Variants in ZC3H3 observed in about 807,000 individuals in gnomAD.
ZC3H3 encodes zinc finger CCCH-type containing 3.
Under a neutral mutation model 77.3 loss-of-function variants are expected in ZC3H3, and 36 were observed. The ratio of observed to expected loss-of-function variants is 0.47; its 90% CI spans 0.36 to 0.61. The LOEUF is 0.61. Among genes scored for constraint, ZC3H3 ranks in the 20% least tolerant of loss-of-function variants. The pLI is 0.00. For synonymous variants in ZC3H3, 626 were observed against 555.2 expected (o/e 1.13, Z -1.79); for missense variants, 1,331 against 1,312.2 (o/e 1.01, Z -0.22).
chr8:143,541,427 G>C lies in ZC3H3; in HGVS notation c.-6C>G, dbSNP rs568094577. 1 of 1,611,676 alleles carries C rather than the reference G, an allele frequency of 6.2e-7. No homozygotes were observed. Among genetic ancestry groups the C allele is most frequent in the Admixed American group, 1.7e-5 (1 of 59,984 alleles). The stretch of plus-strand genomic sequence containing the variant: ...AATATCTCCTTTTCCTCCATCTCCC[G>C]AGTCCGCGACGGCCGGCCAGGCCCC... On this transcript the variant is annotated 5_prime_UTR_variant, in exon 1 of 12. Transcript: ENST00000262577.
chr8:143,509,567 C>T (rs916156315), intron 3 of ZC3H3, among the ~76,000 whole-genome samples: 1 of 152,262 alleles, frequency 6.6e-6, no homozygotes, highest in Non-Finnish European at 1.5e-5. Flanking sequence ...AGCCTGCAGC[C>T]TGCTTCCCAC....
chr8:143,453,235 G>A (rs1323381966), intron 9 of ZC3H3, among the ~76,000 whole-genome samples: 1 of 151,838 alleles, frequency 6.6e-6, no homozygotes, highest in Non-Finnish European at 1.5e-5. Flanking sequence ...ATGCCACCAT[G>A]TGTGACTAAT....
chr8:143,480,948 C>T (rs752274901), intron 4 of ZC3H3, among the ~76,000 whole-genome samples: 1 of 152,162 alleles, frequency 6.6e-6, no homozygotes, highest in African/African-American at 2.4e-5. Flanking sequence ...CAGGATGCCC[C>T]GGCGGGACAC....
At chr8:143,535,396 A>C (rs1822761352) in intron 3 of ZC3H3, among the ~76,000 whole-genome samples, 3 of 152,092 alleles carry the variant, frequency 2.0e-5, no homozygotes, top group African/African-American at 7.2e-5. Flanking sequence ...AAGCCTGCTC[A>C]ATCCCCAACG....
At position 143,539,037 on chromosome 8, in the gene ZC3H3, G is replaced by C. The variant is rs766622399; in HGVS notation, c.330C>G (p.Val110=). 6 of 1,613,070 alleles carry C rather than the reference G, an allele frequency of 3.7e-6. No homozygotes were observed. In the East Asian group the frequency reaches 1.1e-4, roughly 30 times the overall value. ...GGQPPVPQQH[V]LERQVQLSQG... is the part of the protein sequence containing the mutation. ...GACTGAGCTGGACCTGTCTCTCAAG[G>C]ACATGCTGCTGCGGGACAGGAGGCT... The change falls in exon 2 of 12, where the codon GTC becomes GTG. Residue 110 remains valine (V), a synonymous_variant. Coordinates refer to ENST00000262577, the MANE Select transcript of ZC3H3 (RefSeq NM_015117.3).
At chr8:143,456,828 G>A (rs1319029170) in intron 9 of ZC3H3, among the ~76,000 whole-genome samples, 1 of 152,096 alleles carries the variant, frequency 6.6e-6, no homozygotes, top group Non-Finnish European at 1.5e-5. Flanking sequence ...TGATTGTGCC[G>A]CTGAGCTACA....
intron 9 of ZC3H3, among the ~76,000 whole-genome samples, chr8:143,461,482 A>G (rs553866594): frequency 5.3e-5 from 8 of 152,306 alleles, no homozygotes; most frequent in African/African-American, 1.9e-4. Context: ...CAGTGACCCT[A>G]TGGCCCTGCA....
chr8:143,459,045 A>C (rs918449908), intron 9 of ZC3H3, among the ~76,000 whole-genome samples: 1 of 152,256 alleles, frequency 6.6e-6, no homozygotes, highest in Non-Finnish European at 1.5e-5. Flanking sequence ...TTCTACTAAA[A>C]CATTTAAAAG....
intron 3 of ZC3H3, among the ~76,000 whole-genome samples, chr8:143,521,264 C>T (rs79937267): frequency 1.2e-4 from 18 of 152,316 alleles, no homozygotes; most frequent in African/African-American, 3.8e-4. Context: ...ACAGGGCTAC[C>T]GAGCACACCA....
At chr8:143,482,118 G>A (rs920147766) in intron 4 of ZC3H3, among the ~76,000 whole-genome samples, 1 of 152,266 alleles carries the variant, frequency 6.6e-6, no homozygotes, top group South Asian at 2.1e-4. Context: ...CTCAGGTCCT[G>A]CTGGCCACAG....
intron 9 of ZC3H3, among the ~76,000 whole-genome samples, chr8:143,451,601 T>C (rs1819988973): frequency 6.6e-6 from 1 of 151,900 alleles, no homozygotes; most frequent in Non-Finnish European, 1.5e-5. Context: ...CTGGCCAACA[T>C]GGTGACACCC....
chr8:143,541,089 G>C (rs1296290714), intron 1 of ZC3H3, among the ~76,000 whole-genome samples: 2 of 152,204 alleles, frequency 1.3e-5, no homozygotes, highest in African/African-American at 4.8e-5. Context: ...GACAGCCCGC[G>C]GTGGTGGGGA....
At chr8:143,486,668 A>T (rs1421963536) in intron 4 of ZC3H3, among the ~76,000 whole-genome samples, 2 of 152,052 alleles carry the variant, frequency 1.3e-5, no homozygotes, top group Non-Finnish European at 2.9e-5. Context: ...ACATGACCCC[A>T]CCACCAAGAA....
chr8:143,455,911 T>C (rs1210457266), intron 9 of ZC3H3, among the ~76,000 whole-genome samples: 1 of 138,434 alleles, frequency 7.2e-6, no homozygotes, highest in East Asian at 2.1e-4. Context: ...AGGCGGAGGT[T>C]GCAGTGAGCC....
At position 143,460,553 on chromosome 8, in the gene ZC3H3, A is replaced by G. The variant is rs1820234508; in HGVS notation, c.2307+5164T>C. Among the ~76,000 whole-genome samples, 1 of 152,048 alleles carries G rather than the reference A, an allele frequency of 6.6e-6. No homozygotes were observed. The highest frequency in any genetic ancestry group is 2.4e-5 in the African/African-American group (1 of 41,398). On this transcript the variant is annotated intron_variant, in intron 9 of 11. Transcript: ENST00000262577. This position sits in a 1 kb window ranked among gnomAD's most constrained non-coding sequence, Gnocchi z 4.0. ...GAATTACTCAGACTCCAGCAATTCC[A>G]CTCCTCAATATACACCCAAAGGAAG...
intron 9 of ZC3H3, among the ~76,000 whole-genome samples, chr8:143,458,693 T>C (rs11787213): frequency 1.7e-3 from 191 of 115,388 alleles, no homozygotes; most frequent in Non-Finnish European, 2.3e-3. Context: ...CTGGGCGCAG[T>C]GGCTCACGCC....
chr8:143,539,243 G>A lies in ZC3H3; in HGVS notation c.124C>T (p.Pro42Ser), dbSNP rs1309053304. 22 of 1,612,884 alleles carry A rather than the reference G, an allele frequency of 1.4e-5. No homozygotes were observed. The East Asian group carries it at 4.9e-4, about 36-fold the overall frequency. Residue 42 changes from proline to serine, a missense_variant, in exon 2 of 12, where the codon CCC (proline) becomes TCC (serine). By Grantham distance (74) the Pro-to-Ser change is moderately conservative (BLOSUM62 -1). This residue lies in a region of ZC3H3 where 978 missense variants were observed against 915.5 expected (regional missense o/e 1.07). Transcript: ENST00000262577. ...GTPAASGWQP[P>S]TYHSGRAFSA... ...AAGGCTCTGCCACTGTGGTAAGTGG[G>A]TGGCTGCCACCCAGAAGCTGCTGGG...
intron 3 of ZC3H3, among the ~76,000 whole-genome samples, chr8:143,518,710 A>G (rs1822142340): frequency 6.6e-6 from 1 of 152,226 alleles, no homozygotes; most frequent in South Asian, 2.1e-4. Flanking sequence ...AAAGCTGGAG[A>G]TGGCACGTGG....
Position 143,460,653 on chromosome 8 carries a change from C to G in ZC3H3, c.2307+5064G>C, listed in dbSNP as rs1820237075. ...CCAGTCACAGTAGCCACATAACCACCAGCACACGAAGGAACTAACAAAACG... is the reference window on the plus strand; with the variant it reads ...CCAGTCACAGTAGCCACATAACCACGAGCACACGAAGGAACTAACAAAACG... On this transcript the variant is annotated intron_variant, in intron 9 of 11. Coordinates refer to ENST00000262577, the MANE Select transcript of ZC3H3 (RefSeq NM_015117.3). The surrounding 1 kb of genome is among the most constrained non-coding windows in gnomAD (Gnocchi z 4.0). 6.6e-6 allele frequency among the ~76,000 whole-genome samples: 1 copy of G among 152,222 alleles called. No individual in the cohort carries two copies. The highest frequency in any genetic ancestry group is 2.1e-4 in the South Asian group (1 of 4,828).
Sources: allele counts gnomAD v4.1 joint callset (sites outside exome capture counted in the v4.1 genomes callset), GRCh38; gene constraint gnomAD v4.1.1; regional missense constraint gnomAD v4.1.1; non-coding constraint Gnocchi (gnomAD v3.1); transcripts MANE v1.5; gene names NCBI Gene and HGNC (gene_info 2026-07-23, HGNC 2026-07-21).